The following SYNE2 variants were observed in gnomAD, a reference collection of about 807,000 sequenced individuals.
The protein encoded by SYNE2 is spectrin repeat containing nuclear envelope protein 2.
Under a neutral mutation model 856.3 loss-of-function variants are expected in SYNE2, and 431 were observed. The observed-to-expected ratio is 0.50, with a 90% confidence interval of 0.47 to 0.55. SYNE2 has a LOEUF of 0.55. SYNE2 is among the 20% of genes least tolerant of loss of function. The pLI is 0.00. For synonymous variants in SYNE2, 2,923 were observed against 2,872.3 expected (o/e 1.02, Z -0.56); for missense variants, 8,129 against 8,023.2 (o/e 1.01, Z -0.50).
At chr14:64,111,218 G>T (rs1375780811) in intron 65 of SYNE2, among the ~76,000 whole-genome samples, 1 of 151,628 alleles carries the variant, frequency 6.6e-6, no homozygotes, top group Non-Finnish European at 1.5e-5. Context: ...AAAAATGTGC[G>T]TGGCATATAA....
chr14:64,024,844 C>G, intron 39 of SYNE2, 68 bp from the exon 40 acceptor site: 1 of 1,550,776 alleles, frequency 6.4e-7, no homozygotes, highest in Non-Finnish European at 8.9e-7. Context: ...AAGGTTTGTG[C>G]CATCCTTTTC....
chr14:64,169,100 T>C (rs2098397950), intron 93 of SYNE2, 129 bp downstream of exon 93: 1 of 732,586 alleles, frequency 1.4e-6, no homozygotes, highest in Non-Finnish European at 2.5e-6. Context: ...CAGATCACCA[T>C]AGGACCAGGC....
intron 49 of SYNE2, among the ~76,000 whole-genome samples, chr14:64,061,982 C>T (rs1024972428): frequency 1.3e-4 from 20 of 152,114 alleles, no homozygotes; most frequent in Admixed American, 1.1e-3. Context: ...TTTATTCATG[C>T]GTTTTAAGAG....
chr14:63,975,968 C>T (rs1466072004), intron 11 of SYNE2, among the ~76,000 whole-genome samples: 1 of 152,110 alleles, frequency 6.6e-6, no homozygotes, highest in African/African-American at 2.4e-5. Flanking sequence ...AAGAGTACAG[C>T]GAGTATTTGG....
chr14:64,140,087 G>A lies in SYNE2; in HGVS notation c.14976+14G>A, dbSNP rs2098127835. On this transcript the variant is annotated intron_variant, in intron 80 of 115. Transcript: ENST00000555002. Reference sequence around the variant, plus strand: ...AACAATTTTTTTGTAAGTTGTAATAGCATATGTTCAGTTAATTACTGGTCA... The same window carrying A: ...AACAATTTTTTTGTAAGTTGTAATAACATATGTTCAGTTAATTACTGGTCA... 1.9e-6 allele frequency: 3 copies of A among 1,610,958 alleles called. No homozygotes were observed. The highest frequency in any genetic ancestry group is 1.3e-5 in the African/African-American group (1 of 74,984).
At chr14:64,026,438 G>A in intron 41 of SYNE2, 141 bp from the exon 42 acceptor site, 1 of 691,428 alleles carries the variant, frequency 1.4e-6, no homozygotes, top group East Asian at 2.7e-5. Context: ...TTGTCTTTCG[G>A]GTACATATAA....
intron 19 of SYNE2, among the ~76,000 whole-genome samples, chr14:63,987,347 T>A (rs764658210): frequency 2.0e-5 from 3 of 151,938 alleles, no homozygotes; most frequent in Admixed American, 6.6e-5. Flanking sequence ...GCAGGGAGAG[T>A]GACTCATGTT....
chr14:63,940,159 C>A (rs1239183931), intron 2 of SYNE2, among the ~76,000 whole-genome samples: 1 of 151,160 alleles, frequency 6.6e-6, no homozygotes, highest in East Asian at 1.9e-4. Context: ...CTCACTGCAG[C>A]CTTGACTTCC....
intron 82 of SYNE2, among the ~76,000 whole-genome samples, chr14:64,143,078 G>A (rs1010270753): frequency 6.6e-6 from 1 of 152,192 alleles, no homozygotes; most frequent in Non-Finnish European, 1.5e-5. Flanking sequence ...ACTTCAGTGT[G>A]TAGTAAAATC....
rs1043097808 is a variant in SYNE2, at chr14:63,961,757, A to G, written c.888+132A>G. ...TAATGAGCATACACCCCTGTAAATCATACTTCAATCATGATGTAAAACATT... is the reference window on the plus strand; with the variant it reads ...TAATGAGCATACACCCCTGTAAATCGTACTTCAATCATGATGTAAAACATT... On this transcript the variant is annotated intron_variant, in intron 9 of 115. Coordinates refer to ENST00000555002, the MANE Select transcript of SYNE2 (RefSeq NM_182914.3). The G allele has an allele frequency of 2.0e-5, 14 of 713,604 alleles. No homozygotes were observed. In the African/African-American group the frequency reaches 2.3e-4, roughly 12 times the overall value. 44.2% of individuals were successfully genotyped at this position (713,604 alleles called of 1,614,324 possible). A position where few individuals can be genotyped will look rare whatever the true frequency, so the allele number is the denominator to read the frequency against.
chr14:64,068,183 A>T (rs890591812), intron 51 of SYNE2, among the ~76,000 whole-genome samples: 19 of 152,142 alleles, frequency 1.2e-4, no homozygotes, highest in Non-Finnish European at 5.9e-5. Flanking sequence ...AGTGTAAAAT[A>T]TGTTGTTCTG....
chr14:64,192,434 G>A (rs546349144), intron 99 of SYNE2, among the ~76,000 whole-genome samples: 1 of 152,034 alleles, frequency 6.6e-6, no homozygotes, highest in South Asian at 2.1e-4. Flanking sequence ...GTATCACTTT[G>A]GAGTTTAACA....
intron 20 of SYNE2, 142 bp from the exon 21 acceptor site, chr14:63,990,800 T>C: frequency 1.3e-6 from 1 of 798,162 alleles, no homozygotes. Context: ...TTAGATAGAT[T>C]TATAATTTAG....
Position 63,853,151 on chromosome 14 carries a change from A to C in SYNE2, c.-52+8A>C. The C allele has an allele frequency of 6.8e-6, 1 of 147,536 alleles. No individual in the cohort carries two copies. Among genetic ancestry groups the C allele is most frequent in the Non-Finnish European group, 1.5e-5 (1 of 67,068 alleles). The allele number at this position is 147,536 out of a possible 1,614,324, so 9.1% of individuals were successfully genotyped here. A position where few individuals can be genotyped will look rare whatever the true frequency, so the allele number is the denominator to read the frequency against. On this transcript the variant is annotated splice_region_variant and intron_variant, in intron 1 of 115. Coordinates refer to ENST00000555002, the MANE Select transcript of SYNE2 (RefSeq NM_182914.3). ...CCCTCGGCCGGGCGGACGGTGGGTG[A>C]GCGCGGCCGCGGGGCCCCAGCACCC...
At chr14:63,761,859 G>T (rs1029782944), upstream of SYNE2, among the ~76,000 whole-genome samples, 1 of 152,172 alleles carries the variant, frequency 6.6e-6, no homozygotes, top group Non-Finnish European at 1.5e-5. Context: ...ACCTCTCCCA[G>T]AGTCAGGCGT....
At chr14:63,946,824 A>G (rs552672918) in intron 6 of SYNE2, among the ~76,000 whole-genome samples, 1 of 151,676 alleles carries the variant, frequency 6.6e-6, no homozygotes, top group South Asian at 2.1e-4. Flanking sequence ...GAATTTATCA[A>G]CTTCTTTTGT....
chr14:64,061,482 A>C (rs2153586869), intron 49 of SYNE2, among the ~76,000 whole-genome samples: 1 of 152,364 alleles, frequency 6.6e-6, no homozygotes, highest in South Asian at 2.1e-4. Flanking sequence ...TCAAACCAGC[A>C]GCATATAAGT....
intron 99 of SYNE2, among the ~76,000 whole-genome samples, chr14:64,201,692 C>T (rs1273470193): frequency 1.3e-5 from 2 of 152,128 alleles, no homozygotes; most frequent in African/African-American, 2.4e-5. Flanking sequence ...GGAGGTTGTT[C>T]GGTCAAGTAA....
At position 63,840,871 on chromosome 14, in the gene SYNE2, G is replaced by A. The variant is rs151173566; in HGVS notation, c.-304-11630G>A. ...CTATTAAAAAGACAAAAATTAGGCC[G>A]GGTGTGGTGGTGCATGCCTGTAATC... On this transcript the variant is annotated intron_variant, in intron 1 of 23. Transcript: ENST00000674003. Among the ~76,000 whole-genome samples, 97 of 152,038 alleles carry A rather than the reference G, an allele frequency of 6.4e-4. 1 individual carries two copies. The East Asian group carries it at 0.018, about 28-fold the overall frequency.
Sources: allele counts gnomAD v4.1 joint callset (sites outside exome capture counted in the v4.1 genomes callset), GRCh38; gene constraint gnomAD v4.1.1; transcripts MANE v1.5; gene names NCBI Gene and HGNC (gene_info 2026-07-23, HGNC 2026-07-21).